ATG10: variants seen among roughly 807,000 people sequenced by gnomAD.
The protein encoded by ATG10 is ubiquitin-like-conjugating enzyme ATG10.
Under a neutral mutation model 32.1 loss-of-function variants are expected in ATG10, and 30 were observed. The ratio of observed to expected loss-of-function variants is 0.94; its 90% confidence interval spans 0.70 to 1.27. The LOEUF is 1.27. Ranked by LOEUF, ATG10 falls within the 50% of genes most tolerant of loss-of-function variation. ATG10 has a pLI of 0.00. For missense variants in ATG10, 233 were observed against 262.3 expected, an observed-to-expected ratio of 0.89 and a Z score of 0.77; for synonymous variants, 87 against 91.5, an observed-to-expected ratio of 0.95 and a Z score of 0.28.
chr5:82,150,258 G>A (rs919219247), intron 3 of ATG10, among the ~76,000 whole-genome samples: 2 of 147,822 alleles, frequency 1.4e-5, no homozygotes, highest in Admixed American at 6.7e-5. Flanking sequence ...TCTTTCCCAA[G>A]TGTGTCAACT....
chr5:82,186,293 G>A (rs1744440443), intron 5 of ATG10, among the ~76,000 whole-genome samples: 1 of 152,114 alleles, frequency 6.6e-6, no homozygotes, highest in Admixed American at 6.6e-5. Flanking sequence ...TCATTTAGGG[G>A]GCAGGTTTAT....
chr5:82,105,730 A>G (rs1251067645), intron 3 of ATG10, among the ~76,000 whole-genome samples: 1 of 152,080 alleles, frequency 6.6e-6, no homozygotes, highest in East Asian at 1.9e-4. Flanking sequence ...CACCTAACAG[A>G]GTGGCACCCA....
intron 3 of ATG10, among the ~76,000 whole-genome samples, chr5:82,122,588 A>G (rs1766086948): frequency 6.6e-6 from 1 of 152,208 alleles, no homozygotes; most frequent in Non-Finnish European, 1.5e-5. Context: ...GAATGGGAAA[A>G]TTTATGCAAA....
At chr5:81,978,487 C>G (rs1208497049) in intron 1 of ATG10, among the ~76,000 whole-genome samples, 1 of 152,174 alleles carries the variant, frequency 6.6e-6, no homozygotes, top group Admixed American at 6.5e-5. Context: ...TCCTACTACC[C>G]ACTGTTCAAA....
chr5:81,998,308 A>G (rs1245699450), intron 2 of ATG10, among the ~76,000 whole-genome samples: 1 of 152,184 alleles, frequency 6.6e-6, no homozygotes, highest in Non-Finnish European at 1.5e-5. Context: ...AGTGAAGGAG[A>G]AATAAGATCC....
At chr5:82,216,783 G>A (rs1265314357) in intron 5 of ATG10, among the ~76,000 whole-genome samples, 6 of 152,240 alleles carry the variant, frequency 3.9e-5, no homozygotes, top group Middle Eastern at 6.8e-3. Flanking sequence ...CAGGCCAGGC[G>A]CAGTGGCTCA....
intron 2 of ATG10, among the ~76,000 whole-genome samples, chr5:82,053,793 G>A (rs1356969016): frequency 2.6e-5 from 4 of 152,190 alleles, no homozygotes; most frequent in African/African-American, 9.6e-5. Flanking sequence ...CTGAAGTGTA[G>A]TTGGACTTGG....
chr5:82,016,465 T>C (rs1762289457), intron 2 of ATG10, among the ~76,000 whole-genome samples: 1 of 152,222 alleles, frequency 6.6e-6, no homozygotes, highest in Non-Finnish European at 1.5e-5. Context: ...AGTTCCATGC[T>C]GTTTTGGTGA....
intron 3 of ATG10, among the ~76,000 whole-genome samples, chr5:82,092,554 C>G (rs547616677): frequency 1.1e-4 from 16 of 152,218 alleles, no homozygotes; most frequent in Non-Finnish European, 2.2e-4. Flanking sequence ...TGGTGAGTGG[C>G]CAGAGGTAAA....
chr5:82,038,383 A>G (rs1416037357), intron 2 of ATG10, among the ~76,000 whole-genome samples: 2 of 152,186 alleles, frequency 1.3e-5, no homozygotes, highest in African/African-American at 4.8e-5. Flanking sequence ...CTGCAGTTCC[A>G]GATTATGCAC....
chr5:82,077,272 G>C (rs944426485), intron 3 of ATG10, among the ~76,000 whole-genome samples: 1 of 152,198 alleles, frequency 6.6e-6, no homozygotes, highest in Non-Finnish European at 1.5e-5. Context: ...GCAGTGAGCA[G>C]TGCAGTGAGA....
intron 3 of ATG10, among the ~76,000 whole-genome samples, chr5:82,080,573 C>A (rs1261322405): frequency 2.0e-5 from 3 of 152,314 alleles, no homozygotes; most frequent in Non-Finnish European, 4.4e-5. Context: ...TTTCAGCTTT[C>A]CATATATGGC....
intron 2 of ATG10, among the ~76,000 whole-genome samples, chr5:82,030,160 G>A (rs770601389): frequency 1.3e-5 from 2 of 152,084 alleles, no homozygotes; most frequent in Non-Finnish European, 2.9e-5. Context: ...TTCACGGACT[G>A]TGACTTGGGT....
At chr5:82,129,537 A>G (rs1242906064) in intron 3 of ATG10, among the ~76,000 whole-genome samples, 2 of 151,946 alleles carry the variant, frequency 1.3e-5, no homozygotes, top group African/African-American at 2.4e-5. Flanking sequence ...TTTGTGGACA[A>G]TCTTTTTGTT....
intron 3 of ATG10, among the ~76,000 whole-genome samples, chr5:82,080,122 A>G (rs1361116197): frequency 2.6e-5 from 4 of 152,246 alleles, no homozygotes; most frequent in Admixed American, 2.0e-4. Context: ...GCCAGTGATG[A>G]TGAGCATTTT....
chr5:82,120,091 T>G (rs559370963), intron 3 of ATG10, among the ~76,000 whole-genome samples: 1 of 152,244 alleles, frequency 6.6e-6, no homozygotes, highest in African/African-American at 2.4e-5. Flanking sequence ...GCTACTCCTT[T>G]ATGACTGATG....
chr5:81,982,631 T>G (rs1761087230), intron 1 of ATG10, among the ~76,000 whole-genome samples: 1 of 151,960 alleles, frequency 6.6e-6, no homozygotes, highest in African/African-American at 2.4e-5. Flanking sequence ...GGCAGGGTCA[T>G]AGGACAATAG....
intron 3 of ATG10, among the ~76,000 whole-genome samples, chr5:82,113,403 G>A (rs1311387390): frequency 6.6e-6 from 1 of 151,860 alleles, no homozygotes; most frequent in Non-Finnish European, 1.5e-5. Context: ...CTATAATAGA[G>A]ATAAAGTATT....
chr5:82,031,329 A>C (rs1386915098), intron 2 of ATG10, among the ~76,000 whole-genome samples: 1 of 150,324 alleles, frequency 6.7e-6, no homozygotes, highest in Non-Finnish European at 1.5e-5. Flanking sequence ...CAAATTTATC[A>C]AGGTTAATTA....
Sources: gnomAD v4.1 joint callset for allele counts (sites outside exome capture counted in the v4.1 genomes callset) on GRCh38, gnomAD v4.1.1 for gene constraint, MANE v1.5 for transcripts, NCBI Gene and HGNC (gene_info 2026-07-23, HGNC 2026-07-21) for gene names.